SRCIN1: variants seen among roughly 807,000 people sequenced by gnomAD.
SRCIN1 encodes P130Cas-associated protein.
In SRCIN1, 50 loss-of-function variants were observed where a neutral mutation model predicts 116.2. That is an observed-to-expected ratio of 0.43 (90% CI 0.34 to 0.54). SRCIN1 has a LOEUF of 0.54. Ranked by LOEUF, SRCIN1 falls within the 20% of genes least tolerant of loss-of-function variation. The pLI, the probability that SRCIN1 is intolerant of heterozygous loss-of-function variation, is 0.02. For synonymous variants in SRCIN1, 736 were observed against 750.0 expected, an observed-to-expected ratio of 0.98 and a Z score of 0.30; for missense variants, 1,446 against 1,672.0, an observed-to-expected ratio of 0.86 and a Z score of 2.36.
rs763044141 is a variant in SRCIN1 at position 38,559,637 on chromosome 17, T to C, written c.1973A>G (p.Gln658Arg). The C allele has an allele frequency of 3.1e-6, 5 of 1,603,078 alleles. No homozygotes were observed. The highest frequency in any genetic ancestry group is 4.2e-6 in the Non-Finnish European group (5 of 1,179,446). ...GCCGCGCAAGTCACTGGCGCTGTTC[T>C]GCAGGCCTCGCAGGTGAAGCTGCAT... ...LQMQLHLRGL[Q>R]NSASDLRGQL... Residue 658 changes from glutamine to arginine, a missense_variant, in exon 10 of 19, where the codon CAG becomes CGG. This residue lies in a region of SRCIN1 where 398 missense variants were observed against 385.6 expected (regional missense o/e 1.03). Coordinates refer to ENST00000617146, the MANE Select transcript of SRCIN1 (RefSeq NM_025248.3).
At chr17:38,551,709 C>T (rs1905424971) in intron 14 of SRCIN1, 177 bp downstream of exon 14, 1 of 953,070 alleles carries the variant, frequency 1.0e-6, no homozygotes, top group African/African-American at 1.6e-5. Flanking sequence ...AATACGCTTT[C>T]TGTCTAGGAG....
rs1181497977 is a variant in SRCIN1 at position 38,538,349 on chromosome 17, G to A, written c.3418-4918C>T. Among the ~76,000 whole-genome samples the A allele has an allele frequency of 4.1e-5, 6 of 147,012 alleles. No individual in the cohort carries two copies. The East Asian group carries it at 6.0e-4, about 15-fold the overall frequency. ...GGAGAATCACTTGAACCCAGGAGGC[G>A]GAGGTTGCAGTGAGCCAAAGTTGCG... On this transcript the variant is annotated intron_variant, in intron 18 of 18. Coordinates refer to ENST00000617146, the MANE Select transcript of SRCIN1 (RefSeq NM_025248.3).
At chr17:38,583,601 G>A (rs1273202154) in intron 1 of SRCIN1, among the ~76,000 whole-genome samples, 2 of 141,374 alleles carry the variant, frequency 1.4e-5, no homozygotes, top group Admixed American at 7.6e-5. Context: ...GGCCCAGGCT[G>A]GAGTGCAATG....
chr17:38,530,116 G>GA lies in SRCIN1; in HGVS notation c.*3180dup, dbSNP rs1445772900. The GA allele has an allele frequency of 6.6e-6, 1 of 152,134 alleles. No homozygotes were observed. Among genetic ancestry groups the GA allele is most frequent in the Admixed American group, 6.5e-5 (1 of 15,280 alleles). 9.4% of individuals were successfully genotyped at this position (152,134 alleles called of 1,614,324 possible). On this transcript the variant is annotated 3_prime_UTR_variant, in exon 19 of 19. Coordinates refer to ENST00000617146, the MANE Select transcript of SRCIN1 (RefSeq NM_025248.3). ...AAAGAGAGCAGGGAGCGGGGGAGAA[G>GA]AAAAAAGGACATTAAAAAAGAGAGA...
chr17:38,556,738 T>C (rs1056787203), intron 11 of SRCIN1, among the ~76,000 whole-genome samples: 8 of 152,162 alleles, frequency 5.3e-5, no homozygotes, highest in Non-Finnish European at 1.0e-4. Context: ...CCAAGCTCTC[T>C]GAGTAATGGG....
chr17:38,555,981 C>A (rs900701409), intron 11 of SRCIN1, among the ~76,000 whole-genome samples: 1 of 152,190 alleles, frequency 6.6e-6, no homozygotes, highest in Non-Finnish European at 1.5e-5. Context: ...TAAGCTCAAT[C>A]GGCAACTTGA....
Position 38,563,701 on chromosome 17 carries a change from C to T in SRCIN1, c.542-180G>A. On this transcript the variant is annotated intron_variant, in intron 4 of 18. Transcript: ENST00000617146. This position sits in a 1 kb window ranked among gnomAD's most constrained non-coding sequence, Gnocchi z 5.8. The stretch of plus-strand genomic sequence containing the variant: ...CATGCTGCCGGCGGGGGCGCCAGGC[C>T]GGCTCTCCAGCCTCTCAAGGCACCC... The T allele has an allele frequency of 1.1e-6, 1 of 882,264 alleles. No homozygotes were observed. The highest frequency in any genetic ancestry group is 1.8e-6 in the Non-Finnish European group (1 of 553,438). 54.7% of individuals were successfully genotyped at this position (882,264 alleles called of 1,614,324 possible). A position where few individuals can be genotyped will look rare whatever the true frequency, so the allele number is the denominator to read the frequency against.
chr17:38,542,053 G>A (rs936403417), intron 18 of SRCIN1: 1 of 136,434 alleles, frequency 7.3e-6, no homozygotes, highest in African/African-American at 3.3e-5. Flanking sequence ...ATGCAGGTGT[G>A]GGGGGGGTCT....
intron 18 of SRCIN1, among the ~76,000 whole-genome samples, chr17:38,535,303 G>A (rs2040985922): frequency 1.3e-5 from 2 of 149,814 alleles, no homozygotes; most frequent in Admixed American, 1.3e-4. Context: ...CCGCCTCCCG[G>A]GTTCAAGCGA....
intron 2 of SRCIN1, among the ~76,000 whole-genome samples, chr17:38,575,680 G>T (rs150941527): frequency 1.1e-4 from 17 of 152,200 alleles, no homozygotes; most frequent in African/African-American, 4.1e-4. Flanking sequence ...GAACCGCTGG[G>T]CAGGAGAAGC....
At chr17:38,536,059 C>G (rs1415766217) in intron 18 of SRCIN1, among the ~76,000 whole-genome samples, 1 of 152,226 alleles carries the variant, frequency 6.6e-6, no homozygotes, top group East Asian at 1.9e-4. Context: ...TACCCCTTCT[C>G]CCCCCAACAG....
At chr17:38,549,896 C>T (rs1158038656) in intron 15 of SRCIN1, among the ~76,000 whole-genome samples, 1 of 152,168 alleles carries the variant, frequency 6.6e-6, no homozygotes, top group African/African-American at 2.4e-5. Context: ...CACCTTCAGG[C>T]GTTTGCACAC....
At chr17:38,569,849 C>A (rs1362069400) in intron 2 of SRCIN1, among the ~76,000 whole-genome samples, 2 of 152,042 alleles carry the variant, frequency 1.3e-5, no homozygotes, top group Admixed American at 6.5e-5. Flanking sequence ...CAGGCTCCAG[C>A]GGCAGCTGAC....
chr17:38,580,061 G>A (rs970714674), intron 1 of SRCIN1, among the ~76,000 whole-genome samples: 4 of 152,120 alleles, frequency 2.6e-5, no homozygotes, highest in South Asian at 2.1e-4. Flanking sequence ...TCCCGCCCCC[G>A]TGTGGCCTGA....
rs1906425810 is a variant in SRCIN1 at position 38,563,445 on chromosome 17, C to A, written c.618G>T (p.Leu206=). 6.4e-7 allele frequency: 1 copy of A among 1,560,906 alleles called. No individual in the cohort carries two copies. ...ITHEVSSLDT[L]HALIAHMFPQ... is the part of the protein sequence containing the mutation. ...GGAACATGTGCGCGATGAGTGCGTG[C>A]AGCGTGTCCAGGCTGCTGACCTCGT... The change falls in exon 5 of 19, where the codon CTG becomes CTT. Residue 206 remains leucine (L), a synonymous_variant. Transcript: ENST00000617146. The surrounding 1 kb of genome is among the most constrained non-coding windows in gnomAD (Gnocchi z 5.8).
chr17:38,563,260 C>A lies in SRCIN1; in HGVS notation c.740+63G>T. On this transcript the variant is annotated intron_variant, in intron 5 of 18. Coordinates refer to ENST00000617146, the MANE Select transcript of SRCIN1 (RefSeq NM_025248.3). The surrounding 1 kb of genome is among the most constrained non-coding windows in gnomAD (Gnocchi z 5.8). ...GGAGCTGGGGAAGGGCCGGCGGGGTCCAGCACCCTGCAGAGGAGGAGCGTG... is the reference window on the plus strand; with the variant it reads ...GGAGCTGGGGAAGGGCCGGCGGGGTACAGCACCCTGCAGAGGAGGAGCGTG... 2.0e-6 allele frequency: 3 copies of A among 1,537,286 alleles called. No homozygotes were observed. The highest frequency in any genetic ancestry group is 2.6e-6 in the Non-Finnish European group (3 of 1,138,534).
At chr17:38,579,027 TACTC>T (rs1203844042) in intron 1 of SRCIN1, among the ~76,000 whole-genome samples, 1 of 152,164 alleles carries the variant, frequency 6.6e-6, no homozygotes, top group East Asian at 1.9e-4. Flanking sequence ...AAGGGCTGGA[TACTC>T]CCTGTTCCTC....
intron 1 of SRCIN1, among the ~76,000 whole-genome samples, chr17:38,580,022 G>A (rs1361777977): frequency 6.6e-6 from 1 of 152,184 alleles, no homozygotes; most frequent in African/African-American, 2.4e-5. Flanking sequence ...TAGGACTGGG[G>A]CATCAGGCGC....
chr17:38,597,379 A>C (rs977271106), intron 1 of SRCIN1, among the ~76,000 whole-genome samples: 3 of 152,162 alleles, frequency 2.0e-5, no homozygotes, highest in Non-Finnish European at 4.4e-5. Flanking sequence ...AAATCTAAAG[A>C]GGTTTCTTAT....
Sources: allele counts gnomAD v4.1 joint callset (sites outside exome capture counted in the v4.1 genomes callset), GRCh38; gene constraint gnomAD v4.1.1; regional missense constraint gnomAD v4.1.1; non-coding constraint Gnocchi (gnomAD v3.1); transcripts MANE v1.5; gene names NCBI Gene and HGNC (gene_info 2026-07-23, HGNC 2026-07-21).